The following EIF4G3 variants were observed in gnomAD, a reference collection of about 807,000 sequenced individuals.
EIF4G3 encodes eukaryotic translation initiation factor 4 gamma 3.
EIF4G3 carries 34 observed loss-of-function variants against 186.4 expected under a neutral mutation model. The observed-to-expected ratio is 0.18, with a 90% CI of 0.14 to 0.24. The LOEUF is 0.24. Ranked by LOEUF, EIF4G3 falls within the 10% of genes least tolerant of loss-of-function variation. EIF4G3 has a pLI of 1.00. For synonymous variants in EIF4G3, 673 were observed against 679.5 expected, an observed-to-expected ratio of 0.99 and a Z score of 0.15; for missense variants, 1,536 against 1,948.5, an observed-to-expected ratio of 0.79 and a Z score of 3.99.
intron 18 of EIF4G3, among the ~76,000 whole-genome samples, chr1:20,890,854 T>C (rs1208863927): frequency 1.3e-5 from 2 of 152,260 alleles, no homozygotes; most frequent in African/African-American, 4.8e-5. Flanking sequence ...AAGTGGAGAA[T>C]GTCTGTTATC....
chr1:20,811,765 C>T (rs1463016939), intron 35 of EIF4G3, among the ~76,000 whole-genome samples: 2 of 152,098 alleles, frequency 1.3e-5, no homozygotes, highest in Non-Finnish European at 2.9e-5. Flanking sequence ...CAAAACATCA[C>T]ATTGTACCCC....
intron 4 of EIF4G3, among the ~76,000 whole-genome samples, chr1:21,013,345 T>A (rs191611714): frequency 4.3e-4 from 65 of 152,162 alleles, no homozygotes; most frequent in African/African-American, 1.0e-3. Context: ...ACAGAAAAAA[T>A]TTTTTTAATG....
chr1:21,017,943 A>T (rs1397459664), intron 4 of EIF4G3, among the ~76,000 whole-genome samples: 3 of 150,858 alleles, frequency 2.0e-5, no homozygotes, highest in Non-Finnish European at 4.4e-5. Context: ...ACAATTACAT[A>T]TTTTTTTTTC....
intron 2 of EIF4G3, among the ~76,000 whole-genome samples, chr1:21,168,903 C>T (rs2097907001): frequency 1.3e-5 from 2 of 152,082 alleles, no homozygotes; most frequent in South Asian, 2.1e-4. Context: ...CACAGCTACA[C>T]ACTGGGACAC....
rs557190900 is a variant in EIF4G3 at position 21,053,373 on chromosome 1, G to T, written c.-195-2379C>A. ...CCACCCCGTCTGGGAGGGAGGTGGG[G>T]GTCAGCCCCCCGCCCGGACAGCCGC... is the stretch of plus-strand genomic sequence containing the variant. On this transcript the variant is annotated intron_variant, in intron 3 of 36. Transcript: ENST00000602326. 5.3e-5 allele frequency among the ~76,000 whole-genome samples: 8 copies of T among 149,806 alleles called. No homozygotes were observed. In the South Asian group the frequency reaches 1.7e-3, roughly 31 times the overall value.
chr1:20,904,794 G>T, intron 15 of EIF4G3, 89 bp downstream of exon 15: 1 of 879,068 alleles, frequency 1.1e-6, no homozygotes, highest in South Asian at 2.5e-5. Context: ...GTTTTGCTTG[G>T]AAAACTATTT....
At chr1:20,907,464 A>G (rs1016774910) in intron 14 of EIF4G3, among the ~76,000 whole-genome samples, 1 of 151,966 alleles carries the variant, frequency 6.6e-6, no homozygotes, top group African/African-American at 2.4e-5. Context: ...ATATGTATAC[A>G]TGTGCCATGT....
chr1:21,063,963 A>G (rs1054303318), intron 3 of EIF4G3, among the ~76,000 whole-genome samples: 1 of 151,622 alleles, frequency 6.6e-6, no homozygotes, highest in Admixed American at 6.6e-5. Context: ...CCTGACCTCA[A>G]GTGATTCACC....
chr1:20,914,665 G>GGTTTTC (rs1320845342), intron 14 of EIF4G3, among the ~76,000 whole-genome samples: 1 of 152,064 alleles, frequency 6.6e-6, no homozygotes, highest in Non-Finnish European at 1.5e-5. Context: ...AAAATGGGTG[G>GGTTTTC]GTTTTCATTT....
intron 12 of EIF4G3, among the ~76,000 whole-genome samples, chr1:20,959,915 G>A (rs1057491333): frequency 6.6e-6 from 1 of 152,052 alleles, no homozygotes; most frequent in Non-Finnish European, 1.5e-5. Flanking sequence ...AAAAGGGAAT[G>A]CTTATATGCT....
intron 3 of EIF4G3, among the ~76,000 whole-genome samples, chr1:21,065,393 C>T (rs2095184050): frequency 8.7e-6 from 1 of 115,194 alleles, no homozygotes; most frequent in African/African-American, 3.0e-5. Flanking sequence ...GGGGTTGTTT[C>T]TACCAAAAAA....
chr1:21,151,332 G>A (rs891139905), intron 2 of EIF4G3, among the ~76,000 whole-genome samples: 2 of 130,900 alleles, frequency 1.5e-5, no homozygotes, highest in East Asian at 2.6e-4. Flanking sequence ...TCTGCCTCCC[G>A]GGTTCACGCC....
intron 4 of EIF4G3, among the ~76,000 whole-genome samples, chr1:21,004,368 G>A (rs1432023693): frequency 6.6e-6 from 1 of 151,990 alleles, no homozygotes; most frequent in Non-Finnish European, 1.5e-5. Flanking sequence ...GTGTGCTACT[G>A]AATAAAAAAA....
intron 2 of EIF4G3, chr1:21,111,554 CG>C (rs995959918): frequency 6.4e-6 from 2 of 311,644 alleles, no homozygotes; most frequent in Non-Finnish European, 1.3e-5. Context: ...AGAGCACCAA[CG>C]GATCTCCTAA....
At chr1:20,989,316 G>C (rs2080434646) in intron 7 of EIF4G3, among the ~76,000 whole-genome samples, 1 of 151,350 alleles carries the variant, frequency 6.6e-6, no homozygotes, top group South Asian at 2.1e-4. Flanking sequence ...AACACTTCGG[G>C]AAGTGGAGGC....
chr1:20,845,528 G>T (rs1267471957), intron 29 of EIF4G3, among the ~76,000 whole-genome samples: 2 of 152,106 alleles, frequency 1.3e-5, no homozygotes, highest in African/African-American at 4.8e-5. Context: ...CGGGCATGGT[G>T]GCGGGCGCCT....
At chr1:21,073,155 A>G (rs894288489) in intron 3 of EIF4G3, among the ~76,000 whole-genome samples, 13 of 152,172 alleles carry the variant, frequency 8.5e-5, no homozygotes, top group Non-Finnish European at 1.9e-4. Context: ...GCTAATAAAT[A>G]TGAGTATTTT....
chr1:21,080,634 T>C (rs1462953330), intron 3 of EIF4G3, among the ~76,000 whole-genome samples: 1 of 151,952 alleles, frequency 6.6e-6, no homozygotes, highest in Non-Finnish European at 1.5e-5. Flanking sequence ...CTCAGCCTCC[T>C]GAGTAGCTGG....
At chr1:20,904,328 A>C (rs2091408073) in intron 15 of EIF4G3, among the ~76,000 whole-genome samples, 1 of 151,780 alleles carries the variant, frequency 6.6e-6, no homozygotes, top group Non-Finnish European at 1.5e-5. Context: ...GGGAAGAGGA[A>C]GGTTAACCAA....
Sources: allele counts gnomAD v4.1 joint callset (sites outside exome capture counted in the v4.1 genomes callset), GRCh38; gene constraint gnomAD v4.1.1; transcripts MANE v1.5; gene names NCBI Gene and HGNC (gene_info 2026-07-23, HGNC 2026-07-21).